TRIML2: variants seen among roughly 807,000 people sequenced by gnomAD.
TRIML2 encodes the protein probable E3 ubiquitin-protein ligase TRIML2.
TRIML2 carries 28 observed loss-of-function variants against 31.2 expected under a neutral mutation model. That is an observed-to-expected ratio of 0.90 (90% CI 0.66 to 1.23). TRIML2 has a LOEUF of 1.23. Ranked by LOEUF, TRIML2 falls within the 50% of genes most tolerant of loss-of-function variation. The pLI, the probability that TRIML2 is intolerant of heterozygous loss-of-function variation, is 0.00. For synonymous variants in TRIML2, 187 were observed against 197.5 expected (o/e 0.95, Z 0.45); for missense variants, 536 against 528.3 (o/e 1.01, Z -0.14).
intron 3 of TRIML2, among the ~76,000 whole-genome samples, chr4:188,104,485 C>A (rs1733940312): frequency 1.3e-5 from 2 of 152,050 alleles, no homozygotes; most frequent in Admixed American, 1.3e-4. Context: ...GCCTCAGCCT[C>A]CCGAGTAGCT....
At chr4:188,101,568 C>G (rs1478413344) in intron 3 of TRIML2, among the ~76,000 whole-genome samples, 1 of 151,716 alleles carries the variant, frequency 6.6e-6, no homozygotes, top group Admixed American at 6.6e-5. Flanking sequence ...GTGGGGAGCA[C>G]CCATAATCCC....
chr4:188,104,931 T>G lies in TRIML2; in HGVS notation c.191A>C (p.Lys64Thr). The change falls in exon 3 of 8, where the codon AAG (lysine) becomes ACG (threonine). Residue 64 changes from lysine (K) to threonine (T), a missense_variant and splice_region_variant. Coordinates refer to ENST00000682553, the MANE Select transcript of TRIML2 (RefSeq NM_173553.4). ...TGTGTTCAATATTTCCTGGAATAAC[T>G]TCTATAGAGAAAGCACAGAATTCCA... ...GIQEAAENYRKLFQEILNTSR... is the reference protein window; with the variant it reads ...GIQEAAENYRTLFQEILNTSR... The G allele has an allele frequency of 6.2e-7, 1 of 1,612,436 alleles. No homozygotes were observed. The highest frequency in any genetic ancestry group is 2.2e-5 in the East Asian group (1 of 44,858).
intron 3 of TRIML2, among the ~76,000 whole-genome samples, chr4:188,103,256 T>C (rs1044274220): frequency 1.7e-4 from 26 of 152,184 alleles, no homozygotes; most frequent in Middle Eastern, 3.4e-3. Flanking sequence ...CGCCTCGGCC[T>C]CCCAAAGTGC....
intron 3 of TRIML2, among the ~76,000 whole-genome samples, chr4:188,103,568 GC>G (rs1733897891): frequency 6.6e-6 from 1 of 151,878 alleles, no homozygotes; most frequent in South Asian, 2.1e-4. Context: ...AAACTGCATG[GC>G]CCAATCCCCC....
At chr4:188,095,818 G>A (rs1733479095) in intron 7 of TRIML2, among the ~76,000 whole-genome samples, 1 of 152,158 alleles carries the variant, frequency 6.6e-6, no homozygotes, top group Non-Finnish European at 1.5e-5. Context: ...AAAAGGATAA[G>A]TAAATTATGG....
intron 7 of TRIML2, among the ~76,000 whole-genome samples, chr4:188,092,503 A>G (rs2111152420): frequency 6.6e-6 from 1 of 151,866 alleles, no homozygotes; most frequent in East Asian, 2.0e-4. Context: ...AAACAGCTTC[A>G]CCCCAGAGAC....
chr4:188,101,421 C>A (rs546961683), intron 3 of TRIML2, among the ~76,000 whole-genome samples, 171 bp from the exon 4 acceptor site: 8 of 152,122 alleles, frequency 5.3e-5, no homozygotes, highest in Non-Finnish European at 1.0e-4. Context: ...GAAGGCTGGG[C>A]GCAGTGGCTC....
chr4:188,095,093 G>A (rs775234928), intron 7 of TRIML2, among the ~76,000 whole-genome samples: 1 of 152,086 alleles, frequency 6.6e-6, no homozygotes, highest in Non-Finnish European at 1.5e-5. Flanking sequence ...AATAGAAGGT[G>A]GGGGGAGGAG....
At chr4:188,104,286 T>C (rs147631262) in intron 3 of TRIML2, among the ~76,000 whole-genome samples, 1 of 152,360 alleles carries the variant, frequency 6.6e-6, no homozygotes. Flanking sequence ...ATTTAAAATA[T>C]ATTTACTTTC....
Position 188,105,604 on chromosome 4 carries a change from C to T in TRIML2, c.-222-14G>A. 1 of 405,730 alleles carries T rather than the reference C, an allele frequency of 2.5e-6. No homozygotes were observed. The highest frequency in any genetic ancestry group is 3.4e-5 in the East Asian group (1 of 29,790). 25.1% of individuals were successfully genotyped at this position (405,730 alleles called of 1,614,324 possible). A position where few individuals can be genotyped will look rare whatever the true frequency, so the allele number is the denominator to read the frequency against. On this transcript the variant is annotated splice_polypyrimidine_tract_variant and intron_variant, in intron 1 of 7. Coordinates refer to ENST00000682553, the MANE Select transcript of TRIML2 (RefSeq NM_173553.4). ...GGCAGCTGCCTGCTTGGGGAAAAGA[C>T]AGAGTTAGGCCAGTGTTCTAAGACC...
intron 1 of TRIML2, 21 bp downstream of exon 1, chr4:188,109,222 T>C (rs1455641366): frequency 1.3e-5 from 2 of 151,344 alleles, no homozygotes; most frequent in Admixed American, 6.6e-5. Context: ...GAAAATGATC[T>C]ATAGAGAAAA....
At position 188,099,167 on chromosome 4, in the gene TRIML2, G is replaced by A. The variant is rs867099454; in HGVS notation, c.489C>T (p.Gly163=). 6.2e-7 allele frequency: 1 copy of A among 1,606,102 alleles called. No homozygotes were observed. The highest frequency in any genetic ancestry group is 1.1e-5 in the South Asian group (1 of 89,342). ...EMFQEMLQRL[G]RVGRENMEKL... ...TCTCCATGTTCTCTCTCCCCACACG[G>A]CCCAGTCTCTGCAGAAGCATTTCTT... The change falls in exon 5 of 8, where the codon GGC becomes GGT. Residue 163 remains glycine (G), a synonymous_variant. Transcript: ENST00000682553.
At position 188,099,575 on chromosome 4, in the gene TRIML2, C is replaced by A. The variant is rs535897254; in HGVS notation, c.481-400G>T. 1.5e-3 allele frequency among the ~76,000 whole-genome samples: 225 copies of A among 145,802 alleles called. 1 individual carries two copies. Among genetic ancestry groups the A allele is most frequent in the Non-Finnish European group, 2.8e-3 (186 of 66,748 alleles). On this transcript the variant is annotated intron_variant, in intron 4 of 7. Transcript: ENST00000682553. ...CAAGACTCCAAATCAAAAAAAAAAA[C>A]CAAAACCAAAACCAAAAAAAAAAAA...
At chr4:188,097,897 G>A (rs1287142783) in intron 5 of TRIML2, among the ~76,000 whole-genome samples, 12 of 152,270 alleles carry the variant, frequency 7.9e-5, no homozygotes, top group South Asian at 4.1e-4. Context: ...CAAGGTGGGC[G>A]TATAACCTGA....
At chr4:188,096,528 CAAAAAAAAA>C (rs10607852) in intron 7 of TRIML2, among the ~76,000 whole-genome samples, 34 of 39,276 alleles carry the variant, frequency 8.7e-4, no homozygotes, top group Middle Eastern at 0.036. Flanking sequence ...AACTCTGTCT[CAAAAAAAAA>C]AAAAAAAAAA....
Position 188,097,360 on chromosome 4 carries a change from A to G in TRIML2, c.622-14T>C. The G allele has an allele frequency of 6.2e-7, 1 of 1,613,880 alleles. No individual in the cohort carries two copies. Among genetic ancestry groups the G allele is most frequent in the Non-Finnish European group, 8.5e-7 (1 of 1,179,880 alleles). On this transcript the variant is annotated splice_polypyrimidine_tract_variant and intron_variant, in intron 5 of 7. Transcript: ENST00000682553. Reference sequence around the variant, plus strand: ...GTATTTTGCATTCTAAGGGAAAGAAAAGAGACCAGGTTACTACTGGGTTTT... The same window carrying G: ...GTATTTTGCATTCTAAGGGAAAGAAGAGAGACCAGGTTACTACTGGGTTTT...
rs768232190 is a variant in TRIML2, at chr4:188,091,829, T to A, written c.858A>T (p.Arg286Ser). The change falls in exon 8 of 8, where the codon AGA (arginine) becomes AGT (serine). Residue 286 changes from arginine to serine, a missense_variant. Arg to Ser is a moderately radical substitution (Grantham distance 110, BLOSUM62 -1). Transcript: ENST00000682553. The part of the protein sequence containing the change: ...GQQDGAGNPE[R>S]LDFSAMVLAA... ...CCAGCACCATGGCACTGAAATCCAA[T>A]CTTTCTGGGTTGCCAGCCCCATCCT... 6.2e-7 allele frequency: 1 copy of A among 1,614,120 alleles called. No individual in the cohort carries two copies.
intron 5 of TRIML2, chr4:188,098,123 G>GGGCA (rs1553995259): frequency 3.3e-5 from 7 of 209,482 alleles, no homozygotes; most frequent in African/African-American, 1.7e-4. Context: ...CCGTCTCGGG[G>GGGCA]AAAAAAAAAA....
At chr4:188,103,251 C>T (rs1230961799) in intron 3 of TRIML2, among the ~76,000 whole-genome samples, 2 of 152,044 alleles carry the variant, frequency 1.3e-5, no homozygotes, top group African/African-American at 2.4e-5. Flanking sequence ...CCGCCCGCCT[C>T]GGCCTCCCAA....
Sources: gnomAD v4.1 joint callset for allele counts (sites outside exome capture counted in the v4.1 genomes callset) on GRCh38, gnomAD v4.1.1 for gene constraint, MANE v1.5 for transcripts, NCBI Gene and HGNC (gene_info 2026-07-23, HGNC 2026-07-21) for gene names.